The following MGAT4C variants were observed in gnomAD, a reference collection of about 807,000 sequenced individuals.
MGAT4C encodes the protein MGAT4 family member C, also known as alpha-1,3-mannosyl-glycoprotein 4-beta-N-acetylglucosaminyltransferase C.
A neutral mutation model predicts 40.1 loss-of-function variants in MGAT4C; 19 were observed. The ratio of observed to expected loss-of-function variants is 0.47; its 90% CI spans 0.33 to 0.70. The LOEUF (loss-of-function observed/expected upper bound fraction) is 0.70, where lower values mean the gene tolerates loss of function less well. Ranked by LOEUF, MGAT4C falls within the 30% of genes least tolerant of loss-of-function variation. MGAT4C has a pLI of 0.02. For synonymous variants in MGAT4C, 181 were observed against 187.1 expected (o/e 0.97, Z 0.27); for missense variants, 491 against 563.2 (o/e 0.87, Z 1.30).
rs1565789659 is a variant in MGAT4C, at chr12:85,961,180, C to T, written c.*18109G>A. The T allele has an allele frequency of 6.6e-6, 1 of 151,896 alleles. No homozygotes were observed. Among genetic ancestry groups the T allele is most frequent in the Non-Finnish European group, 1.5e-5 (1 of 67,842 alleles). The allele number at this position is 151,896 out of a possible 1,614,324, so 9.4% of individuals were successfully genotyped here. ...ATTTATAAAGTATGACCTATAGCAT[C>T]CAACTCCATCATTTTCCAGTCATTC... is the stretch of plus-strand genomic sequence containing the variant. On this transcript the variant is annotated 3_prime_UTR_variant, in exon 5 of 5. Coordinates refer to ENST00000611864, the MANE Select transcript of MGAT4C (RefSeq NM_001351288.2).
intron 1 of MGAT4C, among the ~76,000 whole-genome samples, chr12:86,744,081 C>T (rs1951115112): frequency 6.6e-6 from 1 of 151,508 alleles, no homozygotes; most frequent in Admixed American, 6.6e-5. Context: ...TGGGAAGGAA[C>T]ATGTACTGAA....
chr12:86,308,780 A>G (rs972921053), intron 4 of MGAT4C, among the ~76,000 whole-genome samples: 1 of 150,540 alleles, frequency 6.6e-6, no homozygotes, highest in African/African-American at 2.5e-5. Context: ...TATGGTTGAG[A>G]CACTGTGTTA....
intron 4 of MGAT4C, among the ~76,000 whole-genome samples, chr12:86,296,493 A>G (rs1017291770): frequency 6.6e-6 from 1 of 152,120 alleles, no homozygotes. Context: ...ACAGGAACTC[A>G]TGGAGGTGGG....
At chr12:86,400,169 C>A (rs1012033102) in intron 3 of MGAT4C, among the ~76,000 whole-genome samples, 2 of 152,142 alleles carry the variant, frequency 1.3e-5, no homozygotes, top group African/African-American at 2.4e-5. Context: ...ACTCCCCAAC[C>A]CTTTTGGTCA....
At chr12:86,356,904 G>T (rs1955327035) in intron 3 of MGAT4C, among the ~76,000 whole-genome samples, 1 of 152,146 alleles carries the variant, frequency 6.6e-6, no homozygotes, top group South Asian at 2.1e-4. Flanking sequence ...GGCAGGGCAT[G>T]GCTGAACAAA....
intron 4 of MGAT4C, among the ~76,000 whole-genome samples, chr12:86,317,817 G>C (rs1399304587): frequency 6.6e-6 from 1 of 151,300 alleles, no homozygotes; most frequent in Non-Finnish European, 1.5e-5. Flanking sequence ...TTACATTCGA[G>C]GTTCTATGGT....
intron 2 of MGAT4C, among the ~76,000 whole-genome samples, chr12:86,620,922 G>C (rs1031825508): frequency 2.0e-5 from 3 of 152,040 alleles, no homozygotes; most frequent in Non-Finnish European, 4.4e-5. Flanking sequence ...CTTCTACTGT[G>C]ATTGTAAGTT....
At chr12:86,092,455 T>C (rs1873054626) in intron 1 of MGAT4C, among the ~76,000 whole-genome samples, 1 of 152,074 alleles carries the variant, frequency 6.6e-6, no homozygotes, top group South Asian at 2.1e-4. Flanking sequence ...TTTAAGGCAT[T>C]TATTTCACAA....
intron 1 of MGAT4C, among the ~76,000 whole-genome samples, chr12:86,836,104 TA>T (rs1389547596): frequency 1.3e-5 from 2 of 152,058 alleles, no homozygotes; most frequent in African/African-American, 2.4e-5. Flanking sequence ...AGAGATCAAT[TA>T]AACAAACTAG....
At chr12:86,459,183 GC>G (rs1474542882) in intron 2 of MGAT4C, among the ~76,000 whole-genome samples, 1 of 151,922 alleles carries the variant, frequency 6.6e-6, no homozygotes, top group Non-Finnish European at 1.5e-5. Flanking sequence ...AATAAACATA[GC>G]TTTATGCTAT....
intron 3 of MGAT4C, among the ~76,000 whole-genome samples, chr12:86,401,547 A>C (rs545469355): frequency 1.3e-5 from 2 of 152,154 alleles, no homozygotes; most frequent in Admixed American, 1.3e-4. Flanking sequence ...CAAATTAGAC[A>C]AAAAAGATAA....
intron 2 of MGAT4C, among the ~76,000 whole-genome samples, chr12:86,555,217 A>T (rs1478614862): frequency 1.3e-5 from 2 of 152,014 alleles, no homozygotes; most frequent in Non-Finnish European, 2.9e-5. Flanking sequence ...ACAGTTCAGG[A>T]GACTGGAATG....
intron 2 of MGAT4C, among the ~76,000 whole-genome samples, chr12:86,446,214 C>T: frequency 6.6e-6 from 1 of 151,864 alleles, no homozygotes; most frequent in East Asian, 1.9e-4. Flanking sequence ...ACAATTATTG[C>T]TAAGACAAGG....
At chr12:86,628,443 G>A (rs1962897426) in intron 2 of MGAT4C, among the ~76,000 whole-genome samples, 1 of 148,164 alleles carries the variant, frequency 6.7e-6, no homozygotes, top group Non-Finnish European at 1.5e-5. Context: ...ACACATAATT[G>A]TCAGATTAAC....
intron 3 of MGAT4C, among the ~76,000 whole-genome samples, chr12:86,361,440 A>T (rs1212268580): frequency 6.6e-6 from 1 of 152,218 alleles, no homozygotes; most frequent in Non-Finnish European, 1.5e-5. Context: ...GGACTTCATG[A>T]CTAAAACATC....
chr12:86,597,210 C>T (rs921888487), intron 2 of MGAT4C, among the ~76,000 whole-genome samples: 4 of 152,100 alleles, frequency 2.6e-5, no homozygotes, highest in Admixed American at 1.3e-4. Context: ...GGTTACTGCC[C>T]GGCAGTTTCA....
rs994069624 is a variant in MGAT4C at position 86,408,779 on chromosome 12, T to A, written c.-120+26378A>T. Among the ~76,000 whole-genome samples the A allele has an allele frequency of 9.2e-5, 14 of 151,904 alleles. 1 individual carries two copies. The highest frequency in any genetic ancestry group is 5.9e-5 in the Non-Finnish European group (4 of 67,952). On this transcript the variant is annotated intron_variant, in intron 3 of 7. Transcript: ENST00000548651. ...GATTGATCTCATTATTTAATTGTTA[T>A]CAAAAAGGAGAGATAGAACTTCTGT...
At chr12:86,193,991 T>C (rs570607868) in intron 1 of MGAT4C, among the ~76,000 whole-genome samples, 22 of 152,266 alleles carry the variant, frequency 1.4e-4, no homozygotes, top group Non-Finnish European at 3.1e-4. Flanking sequence ...TTTCTCTCTT[T>C]CCTTTTATTT....
intron 1 of MGAT4C, among the ~76,000 whole-genome samples, chr12:86,237,757 T>C (rs1566197804): frequency 6.6e-6 from 1 of 151,860 alleles, no homozygotes; most frequent in Non-Finnish European, 1.5e-5. Flanking sequence ...TTAGGGACGA[T>C]AGAAAACAAG....
Sources: gnomAD v4.1 joint callset for allele counts (sites outside exome capture counted in the v4.1 genomes callset) on GRCh38, gnomAD v4.1.1 for gene constraint, MANE v1.5 for transcripts, NCBI Gene and HGNC (gene_info 2026-07-23, HGNC 2026-07-21) for gene names.